Variants in PDS5A observed in about 807,000 individuals in gnomAD.
PDS5A encodes PDS5 cohesin associated factor A.
In PDS5A, 42 loss-of-function variants were observed where a neutral mutation model predicts 167.1. The observed-to-expected ratio is 0.25, with a 90% CI of 0.20 to 0.33. The LOEUF is 0.33. Ranked by LOEUF, PDS5A falls within the 10% of genes least tolerant of loss-of-function variation. The pLI is 1.00. For missense variants in PDS5A, 1,033 were observed against 1,605.9 expected, an observed-to-expected ratio of 0.64 and a Z score of 6.10; for synonymous variants, 553 against 554.6, an observed-to-expected ratio of 1.00 and a Z score of 0.04.
chr4:39,860,193 G>C (rs1718867341), intron 26 of PDS5A, among the ~76,000 whole-genome samples: 1 of 152,224 alleles, frequency 6.6e-6, no homozygotes, highest in Non-Finnish European at 1.5e-5. Context: ...GCCGGGCACA[G>C]TGGCTCATGC....
At chr4:39,958,309 T>A (rs908227791) in intron 2 of PDS5A, among the ~76,000 whole-genome samples, 1 of 151,780 alleles carries the variant, frequency 6.6e-6, no homozygotes, top group Non-Finnish European at 1.5e-5. Flanking sequence ...GAGTTCAAGG[T>A]CAGCCTGGCC....
chr4:39,854,605 T>C (rs945108282), intron 26 of PDS5A, among the ~76,000 whole-genome samples: 4 of 152,214 alleles, frequency 2.6e-5, no homozygotes, highest in African/African-American at 9.6e-5. Context: ...TCCCTGCAAG[T>C]GTGAGTTATG....
At position 39,825,492 on chromosome 4, in the gene PDS5A, A is replaced by G; in HGVS notation, c.4011-4T>C. On this transcript the variant is annotated splice_polypyrimidine_tract_variant and splice_region_variant and intron_variant, in intron 32 of 32. Coordinates refer to ENST00000303538, the MANE Select transcript of PDS5A (RefSeq NM_001100399.2). ...CCCTTTGCAAATGCATTTTTACCTT[A>G]GGGTTAAGAATAGAACGCAAAGTTA... The G allele has an allele frequency of 6.3e-7, 1 of 1,578,190 alleles. No homozygotes were observed. Among genetic ancestry groups the G allele is most frequent in the Non-Finnish European group, 8.6e-7 (1 of 1,158,568 alleles).
intron 2 of PDS5A, among the ~76,000 whole-genome samples, chr4:39,930,246 A>AAAAAAAAAAATTTTTTTT: frequency 2.1e-5 from 2 of 93,090 alleles, no homozygotes; most frequent in Admixed American, 1.1e-4. Flanking sequence ...AAAAAAAAAA[A>AAAAAAAAAAATTTTTTTT]GTTTTTTTGT....
At chr4:39,880,689 TATAA>T (rs1463029805) in intron 17 of PDS5A, among the ~76,000 whole-genome samples, 1 of 152,124 alleles carries the variant, frequency 6.6e-6, no homozygotes, top group African/African-American at 2.4e-5. Flanking sequence ...TAACAAAAAT[TATAA>T]ATATTCATGG....
chr4:39,825,509 G>C lies in PDS5A; in HGVS notation c.4011-21C>G, dbSNP rs757736885. The C allele has an allele frequency of 1.9e-6, 3 of 1,554,590 alleles. No individual in the cohort carries two copies. The East Asian group carries it at 6.9e-5, about 36-fold the overall frequency. On this transcript the variant is annotated intron_variant, in intron 32 of 32. Transcript: ENST00000303538. ...TTTACCTTAGGGTTAAGAATAGAACGCAAAGTTAGAAAAGATGTGGAGAAG... is the reference window on the plus strand; with the variant it reads ...TTTACCTTAGGGTTAAGAATAGAACCCAAAGTTAGAAAAGATGTGGAGAAG...
intron 9 of PDS5A, among the ~76,000 whole-genome samples, chr4:39,911,599 G>A (rs958788479): frequency 2.0e-5 from 3 of 152,080 alleles, no homozygotes; most frequent in Non-Finnish European, 2.9e-5. Context: ...TTGGGAGGCC[G>A]AGGCGGGCAA....
chr4:39,877,152 A>G lies in PDS5A; in HGVS notation c.1994T>C (p.Val665Ala). The G allele has an allele frequency of 6.5e-7, 1 of 1,549,636 alleles. No individual in the cohort carries two copies. Among genetic ancestry groups the G allele is most frequent in the South Asian group, 1.2e-5 (1 of 80,888 alleles). ...AIRSGLELLK[V>A]LSFTHPTSFH... is the part of the protein sequence containing the mutation. ...CGAGGTAGGATGTGTAAAAGACAGA[A>G]CCTGAAAAAACAGATACAGCTTTAG... The change falls in exon 19 of 33, where the codon GTT (valine) becomes GCT (alanine). Residue 665 changes from valine to alanine, a missense_variant and splice_region_variant. By Grantham distance (64) the Val-to-Ala change is moderately conservative. Coordinates refer to ENST00000303538, the MANE Select transcript of PDS5A (RefSeq NM_001100399.2).
At chr4:39,960,747 T>C (rs1197600887) in intron 2 of PDS5A, among the ~76,000 whole-genome samples, 1 of 151,698 alleles carries the variant, frequency 6.6e-6, no homozygotes, top group Admixed American at 6.6e-5. Flanking sequence ...TGGAGTGCAG[T>C]GGTGTGATCT....
chr4:39,898,787 C>A lies in PDS5A; in HGVS notation c.1620G>T (p.Met540Ile). Residue 540 changes from methionine to isoleucine, a missense_variant, in exon 15 of 33, where the codon ATG (methionine) becomes ATT (isoleucine). Around this residue, in one of 4 missense-constraint regions of PDS5A, gnomAD observed 45 missense variants for 40.2 expected, o/e 1.12. Coordinates refer to ENST00000303538, the MANE Select transcript of PDS5A (RefSeq NM_001100399.2). ...ANCSAMFGKL[M>I]TIAKNLPDPG... ...AATAAACATACTCACTTGCTATGGT[C>A]ATCAGTTTTCCAAACATGGCAGAAC... The A allele has an allele frequency of 1.3e-6, 2 of 1,584,730 alleles. No homozygotes were observed. Among genetic ancestry groups the A allele is most frequent in the South Asian group, 1.1e-5 (1 of 87,276 alleles).
intron 32 of PDS5A, among the ~76,000 whole-genome samples, chr4:39,829,849 G>A (rs1715668631): frequency 6.9e-6 from 1 of 144,998 alleles, no homozygotes; most frequent in South Asian, 2.2e-4. Context: ...TACTCAGAAG[G>A]CTGAGGCAGG....
At chr4:39,946,640 C>T (rs548213081) in intron 2 of PDS5A, among the ~76,000 whole-genome samples, 1 of 152,088 alleles carries the variant, frequency 6.6e-6, no homozygotes, top group East Asian at 1.9e-4. Flanking sequence ...ATTGGCCAGG[C>T]GTGGTGGCTC....
chr4:39,962,826 G>A (rs1384667307), intron 2 of PDS5A, among the ~76,000 whole-genome samples: 2 of 152,066 alleles, frequency 1.3e-5, no homozygotes, highest in Non-Finnish European at 2.9e-5. Flanking sequence ...ACCAGAGGTC[G>A]TGGCACATGC....
At chr4:39,924,321 A>G (rs1007387145) in intron 5 of PDS5A, among the ~76,000 whole-genome samples, 6 of 152,240 alleles carry the variant, frequency 3.9e-5, no homozygotes, top group Non-Finnish European at 8.8e-5. Flanking sequence ...TAAACTATCA[A>G]GTTTTAGGTT....
Position 39,925,836 on chromosome 4 carries a change from T to C in PDS5A, c.527A>G (p.Asn176Ser). 7.8e-7 allele frequency: 1 copy of C among 1,288,624 alleles called. No homozygotes were observed. The highest frequency in any genetic ancestry group is 1.4e-5 in the South Asian group (1 of 70,742). 79.8% of individuals were successfully genotyped at this position (1,288,624 alleles called of 1,614,324 possible). Residue 176 changes from asparagine (N) to serine (S), a missense_variant and splice_region_variant, in exon 5 of 33, where the codon AAC (asparagine) becomes AGC (serine). Transcript: ENST00000303538. ...QLFRTLFSVI[N>S]NSHNKKVQMH... The stretch of plus-strand genomic sequence containing the variant: ...CAGAAATGCTTAAAAAATAACTTAC[T>C]TGATCACTGAGAAGAGAGTTCTAAA...
At chr4:39,973,997 G>GC (rs1730830972) in intron 2 of PDS5A, 3 of 457,702 alleles carry the variant, frequency 6.6e-6, no homozygotes, top group Admixed American at 6.7e-5. Flanking sequence ...ATGATGGCGG[G>GC]CGCCCGTGGT....
At chr4:39,926,628 A>G in intron 4 of PDS5A, 147 bp downstream of exon 4, 1 of 510,490 alleles carries the variant, frequency 2.0e-6, no homozygotes, top group Non-Finnish European at 3.1e-6. Flanking sequence ...AGAAAAATAA[A>G]ATAATATTTT....
intron 3 of PDS5A, 49 bp downstream of exon 3, chr4:39,927,912 G>T: frequency 7.9e-7 from 1 of 1,271,650 alleles, no homozygotes. Flanking sequence ...TATACCTTCT[G>T]AACAGTGGTG....
chr4:39,831,653 G>T (rs113252483), intron 32 of PDS5A, among the ~76,000 whole-genome samples: 29 of 151,390 alleles, frequency 1.9e-4, no homozygotes, highest in African/African-American at 6.8e-4. Context: ...CAAGGTGGGC[G>T]GATCACCTGA....
Sources: gnomAD v4.1 joint callset for allele counts (sites outside exome capture counted in the v4.1 genomes callset) on GRCh38, gnomAD v4.1.1 for gene constraint, gnomAD v4.1.1 regional missense constraint, MANE v1.5 for transcripts, NCBI Gene and HGNC (gene_info 2026-07-23, HGNC 2026-07-21) for gene names.